KLHL3: variants seen among roughly 807,000 people sequenced by gnomAD.
KLHL3 encodes kelch like family member 3, also known as kelch-like protein 3.
Under a neutral mutation model 70.5 loss-of-function variants are expected in KLHL3, and 19 were observed. The ratio of observed to expected loss-of-function variants is 0.27; its 90% CI spans 0.19 to 0.40. The LOEUF (loss-of-function observed/expected upper bound fraction) is 0.40, where lower values mean the gene tolerates loss of function less well. KLHL3 is among the 10% of genes least tolerant of loss of function. The pLI is 1.00. For synonymous variants in KLHL3, 258 were observed against 290.3 expected (o/e 0.89, Z 1.13); for missense variants, 512 against 771.1 (o/e 0.66, Z 3.98).
chr5:137,658,783 A>G (rs1443912599), intron 7 of KLHL3, among the ~76,000 whole-genome samples: 1 of 152,178 alleles, frequency 6.6e-6, no homozygotes, highest in African/African-American at 2.4e-5. Flanking sequence ...AAGGAGAAAG[A>G]TTCATATTCG....
Position 137,628,329 on chromosome 5 carries a change from A to G in KLHL3, c.1559T>C (p.Val520Ala). The change falls in exon 13 of 15, where the codon GTG becomes GCG. Residue 520 changes from valine (V) to alanine (A), a missense_variant. Val to Ala is a moderately conservative substitution (Grantham distance 64, BLOSUM62 0). Coordinates refer to ENST00000309755, the MANE Select transcript of KLHL3 (RefSeq NM_017415.3). ...GCGCCGGCACATGTTCATGTCTGCCACTTGCTTCCAGGTATTTGTTCCAGG... is the reference window on the plus strand; with the variant it reads ...GCGCCGGCACATGTTCATGTCTGCCGCTTGCTTCCAGGTATTTGTTCCAGG... ...YDPGTNTWKQVADMNMCRRNA... is the reference protein window; with the variant it reads ...YDPGTNTWKQAADMNMCRRNA... 1.2e-6 allele frequency: 2 copies of G among 1,614,112 alleles called. No individual in the cohort carries two copies. Among genetic ancestry groups the G allele is most frequent in the Non-Finnish European group, 8.5e-7 (1 of 1,179,994 alleles).
intron 1 of KLHL3, chr5:137,721,340 A>T (rs1438428589): frequency 6.6e-6 from 1 of 152,274 alleles, no homozygotes; most frequent in Non-Finnish European, 1.5e-5. Flanking sequence ...CTAGAAGACC[A>T]AGCAGCCTTT....
intron 1 of KLHL3, among the ~76,000 whole-genome samples, chr5:137,733,015 G>GA (rs558083461): frequency 6.2e-4 from 93 of 149,784 alleles, no homozygotes; most frequent in African/African-American, 1.8e-3. Context: ...TCATGGCAAA[G>GA]AAAAAAAAAA....
chr5:137,735,689 G>C lies in KLHL3; in HGVS notation c.-43C>G, dbSNP rs781079862. The C allele has an allele frequency of 1.2e-6, 2 of 1,613,984 alleles. No homozygotes were observed. The highest frequency in any genetic ancestry group is 1.7e-6 in the Non-Finnish European group (2 of 1,179,848). On this transcript the variant is annotated 5_prime_UTR_variant, in exon 1 of 15. Transcript: ENST00000309755. ...GGGTGGTAGCTGCTGAACTGTGTAT[G>C]CACTCGGGGATCCTAGTTCTGTTCT...
In KLHL3 at chr5:137,621,915, C is replaced by A. The variant is rs1049046223; in HGVS notation, c.*183G>T. Reference sequence around the variant, plus strand: ...CATAGGCCAGAGCACCTCAGGGGAACGGGGGTGGGTAATGGTGTCCACACT... The same window carrying A: ...CATAGGCCAGAGCACCTCAGGGGAAAGGGGGTGGGTAATGGTGTCCACACT... On this transcript the variant is annotated 3_prime_UTR_variant, in exon 15 of 15. Transcript: ENST00000309755. The A allele has an allele frequency of 3.0e-6, 2 of 664,692 alleles. No homozygotes were observed. The highest frequency in any genetic ancestry group is 5.5e-6 in the Non-Finnish European group (2 of 366,660). 41.2% of individuals were successfully genotyped at this position (664,692 alleles called of 1,614,324 possible). A position where few individuals can be genotyped will look rare whatever the true frequency, so the allele number is the denominator to read the frequency against.
At position 137,677,659 on chromosome 5, in the gene KLHL3, T is replaced by C. The variant is rs755192852; in HGVS notation, c.527-5A>G. ...TCACCTCTGGAAAGTGCTGCTCTGT[T>C]CCAAAAAAAAAAAAAAGAAGTTAAG... On this transcript the variant is annotated splice_region_variant and splice_polypyrimidine_tract_variant and intron_variant, in intron 5 of 14. Coordinates refer to ENST00000309755, the MANE Select transcript of KLHL3 (RefSeq NM_017415.3). 1 of 1,503,600 alleles carries C rather than the reference T, an allele frequency of 6.7e-7. No individual in the cohort carries two copies. The highest frequency in any genetic ancestry group is 1.3e-5 in the South Asian group (1 of 79,554). 93.1% of individuals were successfully genotyped at this position (1,503,600 alleles called of 1,614,324 possible).
At chr5:137,628,659 A>T in intron 12 of KLHL3, 1 of 437,890 alleles carries the variant, frequency 2.3e-6, no homozygotes, top group Non-Finnish European at 4.0e-6. Context: ...ATATAATGCA[A>T]ATGTGACCCA....
At chr5:137,628,162 G>T in intron 13 of KLHL3, 135 bp downstream of exon 13, 1 of 1,102,374 alleles carries the variant, frequency 9.1e-7, no homozygotes, top group Non-Finnish European at 1.3e-6. Context: ...AGCCCACCTG[G>T]CAAATGCACA....
intron 2 of KLHL3, among the ~76,000 whole-genome samples, chr5:137,719,890 C>T (rs910425958): frequency 6.6e-6 from 1 of 152,150 alleles, no homozygotes; most frequent in Non-Finnish European, 1.5e-5. Context: ...TATGAATAGA[C>T]TTGCTGTAAC....
At chr5:137,622,734 A>G (rs7720039) in intron 14 of KLHL3, among the ~76,000 whole-genome samples, 150,963 of 152,366 alleles carry the variant, frequency 0.99, 74,801 homozygotes, top group East Asian at 1. Context: ...CATGTATGCT[A>G]TGTTACTGTT....
At chr5:137,734,779 G>A (rs1030023278) in intron 1 of KLHL3, among the ~76,000 whole-genome samples, 1 of 152,096 alleles carries the variant, frequency 6.6e-6, no homozygotes, top group East Asian at 1.9e-4. Flanking sequence ...GAATGAAGAG[G>A]TTGGCACTCA....
At chr5:137,720,978 A>C in intron 1 of KLHL3, 1 of 650,864 alleles carries the variant, frequency 1.5e-6, no homozygotes, top group Non-Finnish European at 1.9e-6. Context: ...AGGGAAACAA[A>C]ACAATAGGCA....
chr5:137,683,246 A>G (rs1172486821), intron 5 of KLHL3, among the ~76,000 whole-genome samples: 1 of 152,036 alleles, frequency 6.6e-6, no homozygotes, highest in Non-Finnish European at 1.5e-5. Context: ...GAACATACTC[A>G]TTGTGTTTTA....
intron 5 of KLHL3, among the ~76,000 whole-genome samples, chr5:137,681,669 G>A (rs547714112): frequency 2.0e-5 from 3 of 152,176 alleles, no homozygotes; most frequent in Admixed American, 2.0e-4. Context: ...TTAAAAGAGA[G>A]TTATTATTGG....
chr5:137,718,073 T>G (rs145590564), intron 2 of KLHL3, among the ~76,000 whole-genome samples: 34 of 152,370 alleles, frequency 2.2e-4, no homozygotes, highest in African/African-American at 7.7e-4. Flanking sequence ...TATGCCAGTA[T>G]GCATTATGAA....
chr5:137,718,932 A>G (rs1752946655), intron 2 of KLHL3, among the ~76,000 whole-genome samples: 1 of 152,246 alleles, frequency 6.6e-6, no homozygotes, highest in Non-Finnish European at 1.5e-5. Flanking sequence ...TAAGAAAACA[A>G]ACATAGAATC....
rs1041488832 is a variant in KLHL3, at chr5:137,716,731, A to G, written c.134+3734T>C. Among the ~76,000 whole-genome samples, 9 of 152,338 alleles carry G rather than the reference A, an allele frequency of 5.9e-5. No homozygotes were observed. The East Asian group carries it at 7.7e-4, about 13-fold the overall frequency. Reference sequence around the variant, plus strand: ...TGAAACCCCTTACTGCGCAATCTCAAAAAAGACTAGCCAGAACCACTCCTG... The same window carrying G: ...TGAAACCCCTTACTGCGCAATCTCAGAAAAGACTAGCCAGAACCACTCCTG... On this transcript the variant is annotated intron_variant, in intron 2 of 14. Transcript: ENST00000309755.
At chr5:137,699,479 G>A (rs977470992) in intron 3 of KLHL3, among the ~76,000 whole-genome samples, 7 of 152,132 alleles carry the variant, frequency 4.6e-5, no homozygotes, top group East Asian at 1.9e-4. Flanking sequence ...ATTTTTGAAC[G>A]AAATTTTGGA....
At chr5:137,646,754 C>T (rs767244817) in intron 8 of KLHL3, among the ~76,000 whole-genome samples, 24 of 152,114 alleles carry the variant, frequency 1.6e-4, no homozygotes, top group Admixed American at 4.6e-4. Flanking sequence ...GATTAATATG[C>T]CTTTATTAGA....
Sources: allele counts gnomAD v4.1 joint callset (sites outside exome capture counted in the v4.1 genomes callset), GRCh38; gene constraint gnomAD v4.1.1; transcripts MANE v1.5; gene names NCBI Gene and HGNC (gene_info 2026-07-23, HGNC 2026-07-21).